KIF16B: variants seen among roughly 807,000 people sequenced by gnomAD.
KIF16B encodes the protein kinesin family member 16B.
Under a neutral mutation model 156.3 loss-of-function variants are expected in KIF16B, and 98 were observed. That is an observed-to-expected ratio of 0.63 (90% CI 0.53 to 0.74). KIF16B has a LOEUF of 0.74. KIF16B is among the 30% of genes least tolerant of loss of function. The pLI is 0.00. For missense variants in KIF16B, 1,421 were observed against 1,606.5 expected (o/e 0.88, Z 1.97); for synonymous variants, 564 against 583.7 (o/e 0.97, Z 0.49).
intron 10 of KIF16B, among the ~76,000 whole-genome samples, chr20:16,500,565 C>T (rs779299199): frequency 6.6e-6 from 1 of 152,064 alleles, no homozygotes; most frequent in Non-Finnish European, 1.5e-5. Flanking sequence ...CCTGCTATTT[C>T]GAACAGTTTT....
chr20:16,312,539 G>T, intron 24 of KIF16B, 121 bp from the exon 25 acceptor site: 1 of 761,156 alleles, frequency 1.3e-6, no homozygotes, highest in Non-Finnish European at 2.2e-6. Context: ...AAAGTTTAAA[G>T]ATGGTGGGTC....
chr20:16,531,151 A>G (rs1191725312), intron 1 of KIF16B, among the ~76,000 whole-genome samples: 1 of 152,240 alleles, frequency 6.6e-6, no homozygotes. Context: ...CAAAGAAACT[A>G]AAAACCAACT....
At position 16,382,170 on chromosome 20, in the gene KIF16B, A is replaced by C. The variant is rs761718134; in HGVS notation, c.1785-423T>G. 19 of 1,253,122 alleles carry C rather than the reference A, an allele frequency of 1.5e-5. No homozygotes were observed. In the African/African-American group the frequency reaches 2.8e-4, roughly 18 times the overall value. The allele number at this position is 1,253,122 out of a possible 1,614,324, so 77.6% of individuals were successfully genotyped here. A position where few individuals can be genotyped will look rare whatever the true frequency, so the allele number is the denominator to read the frequency against. ...GAGAGAGAGAGAGAAAGAGAGAGAG[A>C]GCACAGACATCAATTAAGGAAAGCA... is the stretch of plus-strand genomic sequence containing the variant. On this transcript the variant is annotated intron_variant, in intron 17 of 25. Transcript: ENST00000354981.
At chr20:16,356,484 A>G in intron 22 of KIF16B, 32 bp from the exon 23 acceptor site, 1 of 1,612,832 alleles carries the variant, frequency 6.2e-7, no homozygotes, top group South Asian at 1.1e-5. Context: ...GGGAGAACAA[A>G]GAGAAACCAG....
At chr20:16,440,531 G>GCT (rs1289246735) in intron 12 of KIF16B, among the ~76,000 whole-genome samples, 2 of 79,442 alleles carry the variant, frequency 2.5e-5, no homozygotes, top group Admixed American at 3.4e-4. Flanking sequence ...ACACAAGCGC[G>GCT]CGCACACACA....
At chr20:16,539,143 C>A (rs1399030962) in intron 1 of KIF16B, among the ~76,000 whole-genome samples, 2 of 151,894 alleles carry the variant, frequency 1.3e-5, no homozygotes, top group Admixed American at 6.6e-5. Flanking sequence ...AAATTGGTAC[C>A]AAGCAGTAGG....
intron 3 of KIF16B, among the ~76,000 whole-genome samples, chr20:16,518,987 G>A (rs769078334): frequency 3.3e-5 from 5 of 152,214 alleles, no homozygotes; most frequent in South Asian, 4.1e-4. Context: ...TCCAGCACCC[G>A]TACAGCCCCA....
At chr20:16,423,663 T>C in intron 15 of KIF16B, among the ~76,000 whole-genome samples, 1 of 152,086 alleles carries the variant, frequency 6.6e-6, no homozygotes, top group East Asian at 1.9e-4. Flanking sequence ...AGTACATGGA[T>C]CTCTACTGTG....
intron 22 of KIF16B, chr20:16,367,895 G>A (rs759579752): frequency 2.4e-5 from 36 of 1,498,294 alleles, no homozygotes; most frequent in African/African-American, 4.2e-5. Context: ...CTCAGGAATC[G>A]AACACTCTGT....
At chr20:16,389,254 G>T (rs1193073447) in intron 17 of KIF16B, among the ~76,000 whole-genome samples, 1 of 152,128 alleles carries the variant, frequency 6.6e-6, no homozygotes, top group African/African-American at 2.4e-5. Context: ...GCTCAGACAG[G>T]TCCCATATTT....
chr20:16,382,189 G>A (rs2065114948), intron 17 of KIF16B: 4 of 1,128,414 alleles, frequency 3.5e-6, no homozygotes, highest in Non-Finnish European at 4.8e-6. Context: ...ATCAATTAAG[G>A]AAAGCATTTA....
intron 17 of KIF16B, among the ~76,000 whole-genome samples, chr20:16,388,639 A>T (rs1242370544): frequency 1.3e-5 from 2 of 151,404 alleles, no homozygotes; most frequent in Non-Finnish European, 2.9e-5. Flanking sequence ...TTTTTTTTTT[A>T]AATCAGAGAT....
At chr20:16,513,944 A>T (rs1318368367) in intron 4 of KIF16B, among the ~76,000 whole-genome samples, 1 of 152,140 alleles carries the variant, frequency 6.6e-6, no homozygotes, top group Non-Finnish European at 1.5e-5. Flanking sequence ...CACCCAAAAA[A>T]ATAAAAGAAA....
chr20:16,395,746 C>A (rs552445959), intron 17 of KIF16B, among the ~76,000 whole-genome samples: 2 of 152,178 alleles, frequency 1.3e-5, no homozygotes, highest in Non-Finnish European at 2.9e-5. Flanking sequence ...TAGCCAGATT[C>A]CCTAGACTCT....
intron 4 of KIF16B, 34 bp downstream of exon 4, chr20:16,515,514 G>T: frequency 8.8e-7 from 1 of 1,135,206 alleles, no homozygotes; most frequent in South Asian, 1.2e-5. Context: ...AAGATAATGA[G>T]AAATTTCCTT....
intron 2 of KIF16B, 31 bp downstream of exon 2, chr20:16,528,340 G>A (rs764911280): frequency 1.3e-6 from 2 of 1,561,872 alleles, no homozygotes; most frequent in South Asian, 2.2e-5. Context: ...TGGGGCTCTT[G>A]GAACTTAAGC....
intron 25 of KIF16B, among the ~76,000 whole-genome samples, chr20:16,300,995 C>T (rs2063463819): frequency 6.6e-6 from 1 of 152,164 alleles, no homozygotes; most frequent in Non-Finnish European, 1.5e-5. Flanking sequence ...ATTCATCTCT[C>T]CCCTCCCTCA....
rs1292157674 is a variant in KIF16B at position 16,380,048 on chromosome 20, G to A, written c.1954C>T (p.Arg652Cys). Residue 652 changes from arginine (R) to cysteine (C), a missense_variant, in exon 19 of 26, where the codon CGC becomes TGC. Coordinates refer to ENST00000354981, the MANE Select transcript of KIF16B (RefSeq NM_024704.5). ...CGTTTGAGGCTCTCCTCCTGCTTGC[G>A]AATCTGGAGCTGCACGATTTCTGTC... Reference protein sequence around the residue: ...KETEIVQLQIRKQEESLKRRS... With the variant: ...KETEIVQLQICKQEESLKRRS... 13 of 1,575,560 alleles carry A rather than the reference G, an allele frequency of 8.3e-6. No individual in the cohort carries two copies. The South Asian group carries it at 9.6e-5, about 12-fold the overall frequency.
chr20:16,376,103 G>A, intron 19 of KIF16B, among the ~76,000 whole-genome samples: 1 of 152,218 alleles, frequency 6.6e-6, no homozygotes, highest in East Asian at 1.9e-4. Flanking sequence ...TGCACACACA[G>A]CATTTAAAGC....
Sources: gnomAD v4.1 joint callset for allele counts (sites outside exome capture counted in the v4.1 genomes callset) on GRCh38, gnomAD v4.1.1 for gene constraint, MANE v1.5 for transcripts, NCBI Gene and HGNC (gene_info 2026-07-23, HGNC 2026-07-21) for gene names.